The following SMCO2 variants were observed in gnomAD, a reference collection of about 807,000 sequenced individuals.
The protein encoded by SMCO2 is single-pass membrane and coiled-coil domain-containing protein 2.
SMCO2 carries 25 observed loss-of-function variants against 29.5 expected under a neutral mutation model. The observed-to-expected ratio is 0.85, with a 90% confidence interval of 0.62 to 1.18. The LOEUF (loss-of-function observed/expected upper bound fraction) is 1.18. SMCO2 is among the 50% of genes most tolerant of loss of function. The pLI, the probability that SMCO2 is intolerant of heterozygous loss-of-function variation, is 0.00. For synonymous variants in SMCO2, 117 were observed against 123.3 expected (o/e 0.95, Z 0.34); for missense variants, 348 against 344.5 (o/e 1.01, Z -0.08).
At chr12:27,450,030 G>A in the SMCO2 span, among the ~76,000 whole-genome samples, 1 of 152,098 alleles carries the variant, frequency 6.6e-6, no homozygotes, top group African/African-American at 2.4e-5. Context: ...AATCATAATT[G>A]TCTCCTCTTA....
At chr12:27,444,029 A>G in the SMCO2 span, among the ~76,000 whole-genome samples, 2 of 152,230 alleles carry the variant, frequency 1.3e-5, no homozygotes, top group East Asian at 3.8e-4. Flanking sequence ...ATCCTGAACA[A>G]AAAGAATAAA....
chr12:27,435,421 T>C, the SMCO2 span, among the ~76,000 whole-genome samples: 3,383 of 151,044 alleles, frequency 0.022, 138 homozygotes, highest in African/African-American at 0.078. Flanking sequence ...AAGAGGTAGT[T>C]TTCCTTTCTT....
intron 4 of SMCO2, among the ~76,000 whole-genome samples, chr12:27,475,214 A>G (rs1216085344): frequency 1.3e-5 from 2 of 152,212 alleles, no homozygotes; most frequent in Non-Finnish European, 2.9e-5. Context: ...CATAATTATC[A>G]TTAAGAGTAT....
chr12:27,475,243 C>A (rs384434), intron 4 of SMCO2, among the ~76,000 whole-genome samples: 17,486 of 152,154 alleles, frequency 0.11, 1,931 homozygotes, highest in African/African-American at 0.27. Flanking sequence ...GCCCTTGTGG[C>A]TCTTTTCCCT....
At chr12:27,460,630 G>A in the SMCO2 span, among the ~76,000 whole-genome samples, 1 of 152,156 alleles carries the variant, frequency 6.6e-6, no homozygotes, top group Admixed American at 6.5e-5. Context: ...GGCAGAGGCA[G>A]AAGAGGTGGA....
At chr12:27,478,533 A>G (rs937435055) in intron 4 of SMCO2, among the ~76,000 whole-genome samples, 4 of 152,198 alleles carry the variant, frequency 2.6e-5, no homozygotes, top group African/African-American at 9.7e-5. Context: ...GCATGTGCAC[A>G]TTGCCAGCAG....
At chr12:27,486,213 G>C (rs1949687848) in intron 4 of SMCO2, among the ~76,000 whole-genome samples, 1 of 152,188 alleles carries the variant, frequency 6.6e-6, no homozygotes, top group Admixed American at 6.5e-5. Flanking sequence ...GCTTTCTCAA[G>C]TGGGAAGATC....
chr12:27,471,413 T>C (rs1949540177), intron 2 of SMCO2, among the ~76,000 whole-genome samples: 1 of 152,162 alleles, frequency 6.6e-6, no homozygotes, highest in Non-Finnish European at 1.5e-5. Flanking sequence ...GCAGATTAGA[T>C]GTGAAGTGAC....
chr12:27,441,714 A>G, the SMCO2 span, among the ~76,000 whole-genome samples: 1 of 152,180 alleles, frequency 6.6e-6, no homozygotes, highest in Non-Finnish European at 1.5e-5. Flanking sequence ...ATTACACACT[A>G]TATCTAATAG....
At chr12:27,466,373 C>T (rs1565672553), upstream of SMCO2, among the ~76,000 whole-genome samples, 1 of 152,154 alleles carries the variant, frequency 6.6e-6, no homozygotes, top group Non-Finnish European at 1.5e-5. Context: ...GATTGCACCT[C>T]TGCACCCCAG....
At chr12:27,487,606 T>C (rs1565680321) in intron 4 of SMCO2, among the ~76,000 whole-genome samples, 1 of 152,234 alleles carries the variant, frequency 6.6e-6, no homozygotes, top group African/African-American at 2.4e-5. Context: ...GGTCATATGG[T>C]AAGTCAGTTT....
chr12:27,492,734 G>A (rs374040487), intron 5 of SMCO2, among the ~76,000 whole-genome samples: 1 of 151,684 alleles, frequency 6.6e-6, no homozygotes, highest in Non-Finnish European at 1.5e-5. Context: ...ACAGTGGGTG[G>A]GAGTGTAAAT....
chr12:27,457,175 C>A, the SMCO2 span, among the ~76,000 whole-genome samples: 2 of 152,112 alleles, frequency 1.3e-5, no homozygotes, highest in African/African-American at 2.4e-5. Context: ...GCAGGCCTAA[C>A]AACCCTCCCC....
chr12:27,495,674 T>G lies in SMCO2; in HGVS notation c.508-6T>G. On this transcript the variant is annotated splice_polypyrimidine_tract_variant and splice_region_variant and intron_variant, in intron 6 of 7. Transcript: ENST00000298876. ...TTTAAGGTACTTGATTACTCTTTTT[T>G]TTCAGGACCTTTGCAAGAATGTGGA... is the stretch of plus-strand genomic sequence containing the variant. The G allele has an allele frequency of 6.9e-7, 1 of 1,459,750 alleles. No individual in the cohort carries two copies. The highest frequency in any genetic ancestry group is 9.2e-7 in the Non-Finnish European group (1 of 1,087,854). 90.4% of individuals were successfully genotyped at this position (1,459,750 alleles called of 1,614,324 possible).
the SMCO2 span, among the ~76,000 whole-genome samples, chr12:27,456,704 C>A: frequency 6.6e-6 from 1 of 152,034 alleles, no homozygotes; most frequent in Non-Finnish European, 1.5e-5. Context: ...TTTCCCCAAA[C>A]TTTTACGTGA....
At chr12:27,450,702 G>GAT in the SMCO2 span, among the ~76,000 whole-genome samples, 2 of 152,156 alleles carry the variant, frequency 1.3e-5, no homozygotes, top group Non-Finnish European at 2.9e-5. Context: ...ACTGTTCCTA[G>GAT]ATTTTTTCTA....
At chr12:27,462,071 A>G (rs1949463071), upstream of SMCO2, among the ~76,000 whole-genome samples, 1 of 152,190 alleles carries the variant, frequency 6.6e-6, no homozygotes, top group East Asian at 1.9e-4. Flanking sequence ...AGAGCCTTAG[A>G]TTTGTAACTG....
the SMCO2 span, among the ~76,000 whole-genome samples, chr12:27,453,321 A>G: frequency 6.6e-6 from 1 of 152,164 alleles, no homozygotes; most frequent in South Asian, 2.1e-4. Flanking sequence ...ACCAGAGCCT[A>G]CTGAGATAAA....
chr12:27,447,999 G>A, the SMCO2 span, among the ~76,000 whole-genome samples: 1 of 152,150 alleles, frequency 6.6e-6, no homozygotes, highest in Non-Finnish European at 1.5e-5. Context: ...GCTCCGCAGG[G>A]ACAGGAACTG....
Sources: allele counts gnomAD v4.1 joint callset (sites outside exome capture counted in the v4.1 genomes callset), GRCh38; gene constraint gnomAD v4.1.1; transcripts MANE v1.5; gene names NCBI Gene and HGNC (gene_info 2026-07-23, HGNC 2026-07-21).